DHCR7: variants seen among roughly 807,000 people sequenced by gnomAD.
DHCR7 encodes the protein 7-DHC reductase.
In DHCR7, 40 loss-of-function variants were observed where a neutral mutation model predicts 43.3. That is an observed-to-expected ratio of 0.92 (90% confidence interval 0.72 to 1.20). The LOEUF (loss-of-function observed/expected upper bound fraction) is 1.20, where lower values mean the gene tolerates loss of function less well. DHCR7 is among the 50% of genes most tolerant of loss of function. The pLI is 0.00. For synonymous variants in DHCR7, 298 were observed against 271.4 expected (o/e 1.10, Z -0.96); for missense variants, 608 against 644.6 (o/e 0.94, Z 0.62).
chr11:71,441,584 T>C lies in DHCR7; in HGVS notation c.413-144A>G, dbSNP rs759509447. On this transcript the variant is annotated intron_variant, in intron 5 of 8. Transcript: ENST00000355527. ...CCCTCATCTGGGGCCCCAGGAACCA[T>C]CTCTGAGGCCCCTATACCCTTGGCC... 3.3e-4 allele frequency: 241 copies of C among 728,406 alleles called. 1 individual carries two copies. The highest frequency in any genetic ancestry group is 5.4e-4 in the Non-Finnish European group (222 of 409,220). 45.1% of individuals were successfully genotyped at this position (728,406 alleles called of 1,614,324 possible). A position where few individuals can be genotyped will look rare whatever the true frequency, so the allele number is the denominator to read the frequency against.
At chr11:71,432,301 A>C (rs1949232351), downstream of DHCR7, among the ~76,000 whole-genome samples, 1 of 152,176 alleles carries the variant, frequency 6.6e-6, no homozygotes, top group South Asian at 2.1e-4. Context: ...TGCTGCAATA[A>C]AGTTTGCCAA....
At chr11:71,428,502 T>G (rs1293639671) in exon 3 of DHCR7, 1 of 174,868 alleles carries the variant, frequency 5.7e-6, no homozygotes, top group Non-Finnish European at 1.2e-5. Flanking sequence ...TTGATTTGCA[T>G]AACTTGTTCC....
At position 71,439,098 on chromosome 11, in the gene DHCR7, T is replaced by C; in HGVS notation, c.627-15A>G. ...CTGTGAATTTGCTTAAAAATATAAA[T>C]AAAAGATACATTTAGTGGATGAGCA... is the stretch of plus-strand genomic sequence containing the variant. On this transcript the variant is annotated splice_polypyrimidine_tract_variant and intron_variant, in intron 6 of 8. Coordinates refer to ENST00000355527, the MANE Select transcript of DHCR7 (RefSeq NM_001360.3). The C allele has an allele frequency of 8.7e-6, 14 of 1,608,866 alleles. No individual in the cohort carries two copies. Among genetic ancestry groups the C allele is most frequent in the Non-Finnish European group, 1.2e-5 (14 of 1,176,390 alleles).
intron 5 of DHCR7, 137 bp from the exon 6 acceptor site, chr11:71,441,577 G>T: frequency 1.3e-6 from 1 of 758,400 alleles, no homozygotes. Flanking sequence ...TGGGGCCCCA[G>T]GAACCATCTC....
chr11:71,437,655 C>A (rs929114337), intron 8 of DHCR7, among the ~76,000 whole-genome samples, 157 bp downstream of exon 8: 5 of 152,228 alleles, frequency 3.3e-5, no homozygotes, highest in African/African-American at 1.2e-4. Context: ...TGGCTGCTGG[C>A]CCAAGCTGGC....
rs760104729 is a variant in DHCR7, at chr11:71,435,689, C to G, written c.1114G>C (p.Gly372Arg). 6.2e-7 allele frequency: 1 copy of G among 1,613,118 alleles called. No individual in the cohort carries two copies. The highest frequency in any genetic ancestry group is 8.5e-7 in the Non-Finnish European group (1 of 1,179,982). ...CACTCGATGACCTTGGGCTTCCTGC[C>G]CCAGATGAGGCAGCGCCCATCCGTG... ...RRTDGRCLIW[G>R]RKPKVIECSY... The change falls in exon 9 of 9, where the codon GGC becomes CGC. Residue 372 changes from glycine to arginine, a missense_variant. By Grantham distance (125) the Gly-to-Arg change is moderately radical. Coordinates refer to ENST00000355527, the MANE Select transcript of DHCR7 (RefSeq NM_001360.3).
chr11:71,438,414 T>C (rs1005553337), intron 7 of DHCR7, among the ~76,000 whole-genome samples: 2 of 152,032 alleles, frequency 1.3e-5, no homozygotes, highest in Non-Finnish European at 2.9e-5. Context: ...TCTTGCTGCT[T>C]TTAAGATAAA....
At chr11:71,437,180 A>G (rs1426087567) in intron 8 of DHCR7, among the ~76,000 whole-genome samples, 1 of 152,154 alleles carries the variant, frequency 6.6e-6, no homozygotes, top group African/African-American at 2.4e-5. Context: ...GGCCTGTCAC[A>G]TCCTGAATAG....
chr11:71,429,882 A>G (rs1949219958), downstream of DHCR7, among the ~76,000 whole-genome samples: 4 of 152,154 alleles, frequency 2.6e-5, no homozygotes, highest in Non-Finnish European at 5.9e-5. Context: ...ACCCCTGACC[A>G]CTTCCTGGAA....
chr11:71,440,779 G>A (rs1949340301), intron 6 of DHCR7, among the ~76,000 whole-genome samples: 1 of 152,086 alleles, frequency 6.6e-6, no homozygotes, highest in East Asian at 1.9e-4. Flanking sequence ...AGAGATGAGT[G>A]GCTCACCACT....
downstream of DHCR7, among the ~76,000 whole-genome samples, chr11:71,432,630 C>T (rs1949234993): frequency 6.6e-6 from 1 of 152,196 alleles, no homozygotes; most frequent in African/African-American, 2.4e-5. Context: ...ACCCACCATG[C>T]TGTGCCACAG....
chr11:71,445,814 A>G (rs1324485698), intron 2 of DHCR7, among the ~76,000 whole-genome samples: 1 of 152,254 alleles, frequency 6.6e-6, no homozygotes, highest in Non-Finnish European at 1.5e-5. Context: ...AGATTTTTTA[A>G]AAGATGCTCT....
chr11:71,443,896 G>A, intron 4 of DHCR7, 97 bp downstream of exon 4: 1 of 1,004,454 alleles, frequency 1.0e-6, no homozygotes. Flanking sequence ...GTCAACCTGA[G>A]CCAGGATCCA....
At chr11:71,427,907 T>C (rs899545638), downstream of DHCR7, among the ~76,000 whole-genome samples, 1 of 152,172 alleles carries the variant, frequency 6.6e-6, no homozygotes, top group Non-Finnish European at 1.5e-5. Flanking sequence ...GTCAAAATTC[T>C]AGACCTCCAG....
At position 71,435,345 on chromosome 11, in the gene DHCR7, C is replaced by A. The variant is rs755215281; in HGVS notation, c.*30G>T. 1 of 1,606,372 alleles carries A rather than the reference C, an allele frequency of 6.2e-7. No individual in the cohort carries two copies. The highest frequency in any genetic ancestry group is 1.3e-5 in the African/African-American group (1 of 74,998). ...ACCTGGCAGAACACGCTCTTGACAGCCCCACAGGGCTTCTCCCTAGGGCGT... is the reference window on the plus strand; with the variant it reads ...ACCTGGCAGAACACGCTCTTGACAGACCCACAGGGCTTCTCCCTAGGGCGT... On this transcript the variant is annotated 3_prime_UTR_variant, in exon 9 of 9. Coordinates refer to ENST00000355527, the MANE Select transcript of DHCR7 (RefSeq NM_001360.3).
chr11:71,441,223 A>T lies in DHCR7; in HGVS notation c.626+4T>A, dbSNP rs1368410974. 6 of 1,613,914 alleles carry T rather than the reference A, an allele frequency of 3.7e-6. No homozygotes were observed. The Admixed American group carries it at 8.3e-5, about 22-fold the overall frequency. ...TCAGGCTGGACCCGCTGCTAAGAACATACCAGTCTCTGGCGCTGGTGGGGA... is the reference window on the plus strand; with the variant it reads ...TCAGGCTGGACCCGCTGCTAAGAACTTACCAGTCTCTGGCGCTGGTGGGGA... On this transcript the variant is annotated splice_donor_region_variant and intron_variant, in intron 6 of 8. Coordinates refer to ENST00000355527, the MANE Select transcript of DHCR7 (RefSeq NM_001360.3).
intron 4 of DHCR7, among the ~76,000 whole-genome samples, chr11:71,443,575 G>A (rs368124125): frequency 2.0e-5 from 3 of 152,130 alleles, no homozygotes; most frequent in Admixed American, 6.5e-5. Flanking sequence ...CATGGCCCTC[G>A]CTTCTCTGAG....
chr11:71,438,785 A>G, intron 7 of DHCR7, 94 bp downstream of exon 7: 1 of 1,312,016 alleles, frequency 7.6e-7, no homozygotes, highest in Non-Finnish European at 1.1e-6. Flanking sequence ...TTTTACAAGC[A>G]GTAGATTAAG....
At chr11:71,428,841 A>C (rs780373151) in exon 3 of DHCR7, 19 of 456,330 alleles carry the variant, frequency 4.2e-5, no homozygotes, top group South Asian at 2.9e-4. Flanking sequence ...CCTCCACAGC[A>C]GCATTTCTCA....
Sources: gnomAD v4.1 joint callset for allele counts (sites outside exome capture counted in the v4.1 genomes callset) on GRCh38, gnomAD v4.1.1 for gene constraint, MANE v1.5 for transcripts, NCBI Gene and HGNC (gene_info 2026-07-23, HGNC 2026-07-21) for gene names.